MACROD2: variants seen among roughly 807,000 people sequenced by gnomAD.
MACROD2 encodes ADP-ribose glycohydrolase MACROD2.
MACROD2 carries 36 observed loss-of-function variants against 70.4 expected under a neutral mutation model. The ratio of observed to expected loss-of-function variants is 0.51; its 90% CI spans 0.39 to 0.68. The LOEUF is 0.68. Ranked by LOEUF, MACROD2 falls within the 30% of genes least tolerant of loss-of-function variation. The pLI is 0.00. For missense variants in MACROD2, 496 were observed against 538.4 expected (o/e 0.92, Z 0.78); for synonymous variants, 172 against 178.8 (o/e 0.96, Z 0.30).
At chr20:15,302,387 C>CACACACACACG (rs6147301) in intron 6 of MACROD2, among the ~76,000 whole-genome samples, 1 of 150,452 alleles carries the variant, frequency 6.6e-6, no homozygotes, top group African/African-American at 2.4e-5. Context: ...CACACATACA[C>CACACACACACG]ACATACAGAT....
chr20:15,432,628 G>T (rs1050459415), intron 7 of MACROD2, among the ~76,000 whole-genome samples: 1 of 151,976 alleles, frequency 6.6e-6, no homozygotes, highest in South Asian at 2.1e-4. Flanking sequence ...TCTTTATTTC[G>T]CCTTATGTAG....
chr20:15,796,287 G>A (rs2063673114), intron 8 of MACROD2, among the ~76,000 whole-genome samples: 1 of 152,176 alleles, frequency 6.6e-6, no homozygotes, highest in Non-Finnish European at 1.5e-5. Flanking sequence ...TATACTTCCT[G>A]CTAAGACGCA....
chr20:14,159,190 A>G (rs1243482770), intron 3 of MACROD2, among the ~76,000 whole-genome samples: 2 of 152,188 alleles, frequency 1.3e-5, no homozygotes, highest in Non-Finnish European at 2.9e-5. Flanking sequence ...ATGAGCCTAG[A>G]TTGCACCATT....
intron 8 of MACROD2, among the ~76,000 whole-genome samples, chr20:15,504,111 A>G (rs569267263): frequency 6.6e-6 from 1 of 152,252 alleles, no homozygotes; most frequent in Admixed American, 6.5e-5. Context: ...GTTTAATTTC[A>G]TAAATCACCG....
In MACROD2 at chr20:15,406,392, T is replaced by C. The variant is rs143605460; in HGVS notation, c.541-25013T>C. On this transcript the variant is annotated intron_variant, in intron 6 of 17. Coordinates refer to ENST00000684519, the MANE Select transcript of MACROD2 (RefSeq NM_001351661.2). ...TGACCTCCTGGCCCAAAGCTAAGCA[T>C]GTTACCAGATGAGCCTCACTGACCT... 9.8e-5 allele frequency among the ~76,000 whole-genome samples: 15 copies of C among 152,348 alleles called. No individual in the cohort carries two copies. In the East Asian group the frequency reaches 2.9e-3, roughly 29 times the overall value.
At chr20:14,005,687 C>G (rs2052807363) in intron 2 of MACROD2, among the ~76,000 whole-genome samples, 1 of 152,054 alleles carries the variant, frequency 6.6e-6, no homozygotes, top group Non-Finnish European at 1.5e-5. Flanking sequence ...ACTACAACCT[C>G]CACCTCCTGG....
At chr20:15,082,198 A>C (rs537679570) in intron 5 of MACROD2, among the ~76,000 whole-genome samples, 3 of 152,196 alleles carry the variant, frequency 2.0e-5, no homozygotes, top group Non-Finnish European at 4.4e-5. Context: ...CAGACAAACC[A>C]ATTCAAGGTA....
At chr20:15,667,507 C>CTATCTATG (rs1259881761) in intron 8 of MACROD2, among the ~76,000 whole-genome samples, 1 of 140,578 alleles carries the variant, frequency 7.1e-6, no homozygotes, top group Non-Finnish European at 1.6e-5. Context: ...ATGTATCTAT[C>CTATCTATG]TATCTATCTA....
chr20:15,290,725 G>A lies in MACROD2; in HGVS notation c.540+60664G>A, dbSNP rs1378406670. ...CATTACAAATCCAGATCTCTTCTAC[G>A]CAGTTGTCACATTTAACTTTTTTCC... On this transcript the variant is annotated intron_variant, in intron 6 of 17. Transcript: ENST00000684519. 4.6e-5 allele frequency among the ~76,000 whole-genome samples: 7 copies of A among 152,246 alleles called. No individual in the cohort carries two copies. The East Asian group carries it at 5.8e-4, about 13-fold the overall frequency.
rs147553201 is a variant in MACROD2, at chr20:14,136,298, A to G, written c.271+50570A>G. Among the ~76,000 whole-genome samples the G allele has an allele frequency of 2.2e-3, 336 of 152,288 alleles. 5 individuals are homozygous for G. The highest frequency in any genetic ancestry group is 7.8e-3 in the African/African-American group (326 of 41,556). ...AAATGTGAAAGTTTTAGAATAATTCATAGAGGAATAAAAAGCTGGAGTTAG... is the reference window on the plus strand; with the variant it reads ...AAATGTGAAAGTTTTAGAATAATTCGTAGAGGAATAAAAAGCTGGAGTTAG... On this transcript the variant is annotated intron_variant, in intron 3 of 17. Coordinates refer to ENST00000684519, the MANE Select transcript of MACROD2 (RefSeq NM_001351661.2).
intron 4 of MACROD2, among the ~76,000 whole-genome samples, chr20:14,544,643 A>G (rs946739187): frequency 2.0e-5 from 3 of 152,150 alleles, no homozygotes; most frequent in East Asian, 1.9e-4. Flanking sequence ...AGATTCTCCT[A>G]TAAGTAATTT....
chr20:15,515,484 G>C (rs2047555290), intron 8 of MACROD2, among the ~76,000 whole-genome samples: 1 of 152,196 alleles, frequency 6.6e-6, no homozygotes, highest in Admixed American at 6.5e-5. Context: ...TTGGCCTTAG[G>C]AAAACTTTTC....
intron 10 of MACROD2, among the ~76,000 whole-genome samples, chr20:15,900,282 G>C (rs947551432): frequency 1.3e-5 from 2 of 152,138 alleles, no homozygotes; most frequent in African/African-American, 4.8e-5. Flanking sequence ...CTGAAGAAAA[G>C]CTTTGTTTTA....
chr20:14,066,987 A>G (rs2053768370), intron 2 of MACROD2, among the ~76,000 whole-genome samples: 2 of 148,682 alleles, frequency 1.3e-5, no homozygotes, highest in East Asian at 2.0e-4. Flanking sequence ...AAGTTGTTGT[A>G]TTTGTAGTAG....
intron 7 of MACROD2, among the ~76,000 whole-genome samples, chr20:15,467,732 AAAAT>A (rs947124012): frequency 2.0e-5 from 3 of 152,208 alleles, no homozygotes; most frequent in African/African-American, 7.2e-5. Context: ...GCATGGTAAA[AAAAT>A]GTGAAAAGTA....
rs2147319748 is a variant in MACROD2, at chr20:15,933,321, A to G, written c.821A>G (p.Glu274Gly). 2 of 1,613,370 alleles carry G rather than the reference A, an allele frequency of 1.2e-6. No individual in the cohort carries two copies. Among genetic ancestry groups the G allele is most frequent in the South Asian group, 1.1e-5 (1 of 91,062 alleles). The change falls in exon 11 of 18, where the codon GAG becomes GGG. Residue 274 changes from glutamate (E) to glycine (G), a missense_variant. Coordinates refer to ENST00000684519, the MANE Select transcript of MACROD2 (RefSeq NM_001351661.2). Reference sequence around the variant, plus strand: ...AAGCAAAGTGTGGAAGAAATGGAAGAGCAGAGCCAAGATGCAGGTAGGCTC... The same window carrying G: ...AAGCAAAGTGTGGAAGAAATGGAAGGGCAGAGCCAAGATGCAGGTAGGCTC... Reference protein sequence around the residue: ...EEKQSVEEMEEQSQDADGVNT... With the variant: ...EEKQSVEEMEGQSQDADGVNT...
At chr20:14,238,330 A>G (rs941013294) in intron 3 of MACROD2, among the ~76,000 whole-genome samples, 5 of 152,242 alleles carry the variant, frequency 3.3e-5, no homozygotes, top group Non-Finnish European at 7.3e-5. Flanking sequence ...TAATTAATGT[A>G]GAAAAACCTT....
intron 6 of MACROD2, among the ~76,000 whole-genome samples, chr20:15,375,817 C>T (rs2146268774): frequency 6.6e-6 from 1 of 152,012 alleles, no homozygotes; most frequent in African/African-American, 2.4e-5. Context: ...AGTTTTAGGC[C>T]CTTTTTACAA....
At chr20:14,686,599 C>T (rs905409966) in intron 5 of MACROD2, among the ~76,000 whole-genome samples, 2 of 152,072 alleles carry the variant, frequency 1.3e-5, no homozygotes, top group African/African-American at 4.8e-5. Context: ...CAATTATTTG[C>T]AGTATTCAGT....
Sources: gnomAD v4.1 joint callset for allele counts (sites outside exome capture counted in the v4.1 genomes callset) on GRCh38, gnomAD v4.1.1 for gene constraint, MANE v1.5 for transcripts, NCBI Gene and HGNC (gene_info 2026-07-23, HGNC 2026-07-21) for gene names.